The following UNC5D variants were observed in gnomAD, a reference collection of about 807,000 sequenced individuals.
UNC5D encodes the protein unc-5 netrin receptor D.
Under a neutral mutation model 105.4 loss-of-function variants are expected in UNC5D, and 39 were observed. The observed-to-expected ratio is 0.37, with a 90% confidence interval of 0.29 to 0.48. UNC5D has a LOEUF of 0.48. UNC5D is among the 20% of genes least tolerant of loss of function. The pLI, the probability that UNC5D is intolerant of heterozygous loss-of-function variation, is 0.98. For missense variants in UNC5D, 991 were observed against 1,202.4 expected (o/e 0.82, Z 2.60); for synonymous variants, 452 against 450.4 (o/e 1.00, Z -0.04).
At chr8:35,527,494 G>A (rs1299760099) in intron 1 of UNC5D, among the ~76,000 whole-genome samples, 1 of 152,072 alleles carries the variant, frequency 6.6e-6, no homozygotes, top group Admixed American at 6.6e-5. Flanking sequence ...TTTCTTCTTT[G>A]TGCTCTCACA....
At chr8:35,264,190 A>T (rs1804675679) in intron 1 of UNC5D, among the ~76,000 whole-genome samples, 1 of 152,174 alleles carries the variant, frequency 6.6e-6, no homozygotes, top group African/African-American at 2.4e-5. Context: ...TTACAGCAAA[A>T]ATTGTAGCTT....
chr8:35,440,210 A>T (rs1241366130), intron 1 of UNC5D, among the ~76,000 whole-genome samples: 3 of 151,916 alleles, frequency 2.0e-5, no homozygotes, highest in African/African-American at 7.2e-5. Context: ...GAAACTAAGC[A>T]TGTCCATCTG....
rs1460449553 is a variant in UNC5D at position 35,247,605 on chromosome 8, A to T, written c.103+11718A>T. Among the ~76,000 whole-genome samples the T allele has an allele frequency of 8.0e-4, 77 of 96,446 alleles. 3 individuals are homozygous for T. The highest frequency in any genetic ancestry group is 3.2e-3 in the African/African-American group (75 of 23,280). The allele number at this position is 96,446 out of a possible 152,430, so 63.3% of individuals were successfully genotyped here. Reference sequence around the variant, plus strand: ...ATATATAAAATATATATAATATATAAATATATATTATATATAAAATATATA... The same window carrying T: ...ATATATAAAATATATATAATATATATATATATATTATATATAAAATATATA... On this transcript the variant is annotated intron_variant, in intron 1 of 16. Transcript: ENST00000404895.
Position 35,498,242 on chromosome 8 carries a change from C to T in UNC5D, c.104-51050C>T, listed in dbSNP as rs571691122. Among the ~76,000 whole-genome samples the T allele has an allele frequency of 2.0e-5, 3 of 151,626 alleles. No homozygotes were observed. The East Asian group carries it at 5.8e-4, about 30-fold the overall frequency. The stretch of plus-strand genomic sequence containing the variant: ...TGAAAGTTTCCATTGGTATTATCAT[C>T]TTGGATGCCATTTTTGACCTGGGTG... On this transcript the variant is annotated intron_variant, in intron 1 of 16. Transcript: ENST00000404895.
intron 1 of UNC5D, among the ~76,000 whole-genome samples, chr8:35,259,703 G>T (rs751079981): frequency 3.3e-5 from 5 of 151,028 alleles, no homozygotes; most frequent in Non-Finnish European, 5.9e-5. Context: ...TCAAAGGGCA[G>T]AAGCAACTTT....
chr8:35,620,090 G>A (rs1005947631), intron 4 of UNC5D, among the ~76,000 whole-genome samples: 6 of 152,160 alleles, frequency 3.9e-5, no homozygotes, highest in Non-Finnish European at 7.4e-5. Flanking sequence ...AGATCTTCAT[G>A]TCATTAGATG....
chr8:35,461,383 A>G (rs528147921), intron 1 of UNC5D, among the ~76,000 whole-genome samples: 1 of 152,176 alleles, frequency 6.6e-6, no homozygotes, highest in Non-Finnish European at 1.5e-5. Context: ...ACGCGTGTGA[A>G]AAAAGGAATA....
At chr8:35,378,176 G>A (rs1383517458) in intron 1 of UNC5D, among the ~76,000 whole-genome samples, 2 of 152,088 alleles carry the variant, frequency 1.3e-5, no homozygotes, top group Non-Finnish European at 2.9e-5. Flanking sequence ...CTGCCTTATG[G>A]AAGCCCTTGT....
chr8:35,630,698 G>A (rs1008950611), intron 4 of UNC5D, among the ~76,000 whole-genome samples: 7 of 152,126 alleles, frequency 4.6e-5, no homozygotes, highest in African/African-American at 1.4e-4. Flanking sequence ...TGATTCGTAA[G>A]GCGGGAAAAA....
At chr8:35,515,923 G>A (rs1036613966) in intron 1 of UNC5D, among the ~76,000 whole-genome samples, 18 of 152,146 alleles carry the variant, frequency 1.2e-4, no homozygotes, top group Admixed American at 4.6e-4. Context: ...ACTGGCATTC[G>A]TGTCCCTGGA....
In UNC5D at chr8:35,292,008, C is replaced by T. The variant is rs1352068471; in HGVS notation, c.103+56121C>T. On this transcript the variant is annotated intron_variant, in intron 1 of 16. Coordinates refer to ENST00000404895, the MANE Select transcript of UNC5D (RefSeq NM_080872.4). Reference sequence around the variant, plus strand: ...CGCTGGTTTTCTTCTAGGTTTCTTCCCCCATTTTGGCAAGCTAATTGAAGT... The same window carrying T: ...CGCTGGTTTTCTTCTAGGTTTCTTCTCCCATTTTGGCAAGCTAATTGAAGT... 1.3e-5 allele frequency among the ~76,000 whole-genome samples: 2 copies of T among 152,120 alleles called. 1 individual carries two copies. Among genetic ancestry groups the T allele is most frequent in the African/African-American group, 4.8e-5 (2 of 41,418 alleles).
chr8:35,512,465 CATATATATAT>C (rs780945660), intron 1 of UNC5D, among the ~76,000 whole-genome samples: 284 of 20,096 alleles, frequency 0.014, 6 homozygotes, highest in African/African-American at 0.046. Flanking sequence ...AATAGTGAGC[CATATATATAT>C]ATATATATAT....
intron 1 of UNC5D, among the ~76,000 whole-genome samples, chr8:35,494,820 C>T (rs1191007132): frequency 1.3e-5 from 2 of 152,114 alleles, no homozygotes; most frequent in African/African-American, 2.4e-5. Context: ...TTAATTCTAT[C>T]GTGTGAAAAA....
At chr8:35,652,783 C>T (rs943313603) in intron 4 of UNC5D, among the ~76,000 whole-genome samples, 1 of 151,682 alleles carries the variant, frequency 6.6e-6, no homozygotes, top group Admixed American at 6.6e-5. Context: ...TCTGCTTTTA[C>T]GTGGACTTCT....
chr8:35,741,255 C>G (rs1326538402), intron 11 of UNC5D, among the ~76,000 whole-genome samples: 1 of 152,130 alleles, frequency 6.6e-6, no homozygotes, highest in Non-Finnish European at 1.5e-5. Flanking sequence ...ACAGGGTAAT[C>G]TCTCTGTGTG....
At chr8:35,528,043 T>A (rs946811907) in intron 1 of UNC5D, among the ~76,000 whole-genome samples, 1 of 150,664 alleles carries the variant, frequency 6.6e-6, no homozygotes, top group African/African-American at 2.4e-5. Context: ...CAGCTGGTTT[T>A]TTTTTTTTTT....
At chr8:35,516,685 C>T (rs955617723) in intron 1 of UNC5D, among the ~76,000 whole-genome samples, 3 of 152,204 alleles carry the variant, frequency 2.0e-5, no homozygotes, top group Non-Finnish European at 4.4e-5. Flanking sequence ...CCCCTTCAAC[C>T]TCAGTCTCTG....
chr8:35,466,682 A>G (rs1011977390), intron 1 of UNC5D, among the ~76,000 whole-genome samples: 4 of 152,234 alleles, frequency 2.6e-5, no homozygotes, highest in African/African-American at 9.6e-5. Context: ...TTGGATTTCA[A>G]CAGTCCTGTA....
chr8:35,743,444 A>AT lies in UNC5D; in HGVS notation c.1767-5076dup, dbSNP rs200106523. Reference sequence around the variant, plus strand: ...ACCACCACGCCTGACTAATTTTTCTATTTTTTTCTCTCCAGTAGAGATGGG... The same window carrying AT: ...ACCACCACGCCTGACTAATTTTTCTATTTTTTTTCTCTCCAGTAGAGATGGG... On this transcript the variant is annotated intron_variant, in intron 11 of 16. Transcript: ENST00000404895. Among the ~76,000 whole-genome samples, 847 of 150,030 alleles carry AT rather than the reference A, an allele frequency of 5.6e-3. 4 individuals are homozygous for AT. Among genetic ancestry groups the AT allele is most frequent in the Non-Finnish European group, 8.8e-3 (591 of 67,528 alleles).
Sources: gnomAD v4.1 joint callset for allele counts (sites outside exome capture counted in the v4.1 genomes callset) on GRCh38, gnomAD v4.1.1 for gene constraint, MANE v1.5 for transcripts, NCBI Gene and HGNC (gene_info 2026-07-23, HGNC 2026-07-21) for gene names.